The following MEOX1 variants were observed in gnomAD, a reference collection of about 807,000 sequenced individuals.
MEOX1 encodes the protein homeobox protein MOX-1.
A neutral mutation model predicts 23.2 loss-of-function variants in MEOX1; 17 were observed. That is an observed-to-expected ratio of 0.73 (90% confidence interval 0.50 to 1.10). The LOEUF (loss-of-function observed/expected upper bound fraction) is 1.10, where lower values mean the gene tolerates loss of function less well. Among genes scored for constraint, MEOX1 ranks in the 50% least tolerant of loss-of-function variants. The probability of loss-of-function intolerance (pLI) is 0.00; values close to 1 mark genes in which losing one functional copy is unlikely to be tolerated. For missense variants in MEOX1, 333 were observed against 332.2 expected, an observed-to-expected ratio of 1.00 and a Z score of -0.02; for synonymous variants, 134 against 135.1, an observed-to-expected ratio of 0.99 and a Z score of 0.06.
intron 1 of MEOX1, among the ~76,000 whole-genome samples, chr17:43,658,604 G>A (rs957730895): frequency 6.6e-6 from 1 of 152,068 alleles, no homozygotes; most frequent in Non-Finnish European, 1.5e-5. Flanking sequence ...TTTTGGAGAG[G>A]GGATCCAATT....
At chr17:43,644,587 G>A (rs1972767837) in intron 1 of MEOX1, among the ~76,000 whole-genome samples, 1 of 152,212 alleles carries the variant, frequency 6.6e-6, no homozygotes, top group South Asian at 2.1e-4. Context: ...TGGGAGACAA[G>A]AATTAAATTC....
At chr17:43,656,497 G>A (rs1226520998) in intron 1 of MEOX1, among the ~76,000 whole-genome samples, 1 of 152,146 alleles carries the variant, frequency 6.6e-6, no homozygotes, top group Non-Finnish European at 1.5e-5. Context: ...GCAAATTTGT[G>A]GTTGGGCGGA....
chr17:43,656,423 C>T (rs1386202464), intron 1 of MEOX1, among the ~76,000 whole-genome samples: 1 of 151,374 alleles, frequency 6.6e-6, no homozygotes, highest in Non-Finnish European at 1.5e-5. Context: ...GGGGAGGTGG[C>T]CTGTAAAGGG....
rs997552258 is a variant in MEOX1, at chr17:43,641,060, C to T, written c.*850G>A. 5.3e-5 allele frequency: 8 copies of T among 152,130 alleles called. No homozygotes were observed. The highest frequency in any genetic ancestry group is 1.9e-4 in the African/African-American group (8 of 41,412). 9.4% of individuals were successfully genotyped at this position (152,130 alleles called of 1,614,324 possible). A position where few individuals can be genotyped will look rare whatever the true frequency, so the allele number is the denominator to read the frequency against. ...CTCAGCATCTGGACAGGTTTTCAAT[C>T]CAGAAATCGTGGATTTAAAAGGAGT... On this transcript the variant is annotated 3_prime_UTR_variant, in exon 3 of 3. Coordinates refer to ENST00000318579, the MANE Select transcript of MEOX1 (RefSeq NM_004527.4).
intron 1 of MEOX1, among the ~76,000 whole-genome samples, chr17:43,650,306 C>T (rs114225995): frequency 5.3e-4 from 80 of 152,218 alleles, no homozygotes; most frequent in African/African-American, 1.8e-3. Context: ...TAAGGACACA[C>T]GGCAAGTTAG....
intron 1 of MEOX1, among the ~76,000 whole-genome samples, chr17:43,657,174 T>TC (rs919480146): frequency 7.7e-6 from 1 of 129,794 alleles, no homozygotes; most frequent in Non-Finnish European, 1.6e-5. Flanking sequence ...TTCTTTCTTT[T>TC]TTTTTTTTTT....
intron 1 of MEOX1, among the ~76,000 whole-genome samples, 195 bp downstream of exon 1, chr17:43,660,871 C>T (rs1045369917): frequency 1.3e-4 from 20 of 152,136 alleles, no homozygotes; most frequent in African/African-American, 4.3e-4. Flanking sequence ...AGTGCTGGGA[C>T]ACAGACATGG....
At chr17:43,645,317 C>T (rs1222303191) in intron 1 of MEOX1, among the ~76,000 whole-genome samples, 1 of 151,914 alleles carries the variant, frequency 6.6e-6, no homozygotes, top group East Asian at 1.9e-4. Flanking sequence ...GCTGGGACTA[C>T]AGGCGCCCGC....
intron 1 of MEOX1, among the ~76,000 whole-genome samples, chr17:43,658,335 C>T (rs1598268297): frequency 6.6e-6 from 1 of 152,024 alleles, no homozygotes; most frequent in East Asian, 1.9e-4. Flanking sequence ...GGTAAAACCC[C>T]GACTCTACTA....
chr17:43,656,879 G>C (rs1401545635), intron 1 of MEOX1, among the ~76,000 whole-genome samples: 1 of 152,176 alleles, frequency 6.6e-6, no homozygotes, highest in Non-Finnish European at 1.5e-5. Flanking sequence ...CATTGGCCTG[G>C]GGCTGGGAGT....
intron 1 of MEOX1, among the ~76,000 whole-genome samples, chr17:43,646,750 C>A (rs981210665): frequency 6.6e-6 from 1 of 152,030 alleles, no homozygotes; most frequent in African/African-American, 2.4e-5. Context: ...CTGAGGCGGG[C>A]GGATCACCTG....
chr17:43,655,418 C>A (rs1972995455), intron 1 of MEOX1, among the ~76,000 whole-genome samples: 1 of 151,618 alleles, frequency 6.6e-6, no homozygotes, highest in Admixed American at 6.6e-5. Flanking sequence ...TTGCAGTGAG[C>A]CGAGATCGCG....
Position 43,644,060 on chromosome 17 carries a change from T to G in MEOX1, c.470-400A>C, listed in dbSNP as rs148755626. Among the ~76,000 whole-genome samples, 989 of 152,228 alleles carry G rather than the reference T, an allele frequency of 6.5e-3. 5 individuals are homozygous for G. The highest frequency in any genetic ancestry group is 0.023 in the African/African-American group (949 of 41,530). ...AACTATGGTCCCCAGATCAGCAGCATCAGCATTACCTGAGAGCTTGTTACA... is the reference window on the plus strand; with the variant it reads ...AACTATGGTCCCCAGATCAGCAGCAGCAGCATTACCTGAGAGCTTGTTACA... On this transcript the variant is annotated intron_variant, in intron 1 of 2. Coordinates refer to ENST00000318579, the MANE Select transcript of MEOX1 (RefSeq NM_004527.4).
intron 1 of MEOX1, among the ~76,000 whole-genome samples, chr17:43,655,511 A>T (rs1261911492): frequency 1.3e-5 from 2 of 151,780 alleles, no homozygotes. Flanking sequence ...ATATCCATAC[A>T]ATGGAATGTT....
chr17:43,650,116 T>C (rs1206783363), intron 1 of MEOX1, among the ~76,000 whole-genome samples: 1 of 152,190 alleles, frequency 6.6e-6, no homozygotes, highest in Non-Finnish European at 1.5e-5. Context: ...GGATGCCAAA[T>C]GCCTCACATT....
chr17:43,652,294 G>A (rs1972932806), intron 1 of MEOX1, among the ~76,000 whole-genome samples: 1 of 152,130 alleles, frequency 6.6e-6, no homozygotes, highest in Non-Finnish European at 1.5e-5. Context: ...TAAGCCAGTA[G>A]CATCGTCAGA....
chr17:43,655,195 G>GGGGCC (rs1300824255), intron 1 of MEOX1, among the ~76,000 whole-genome samples: 2 of 152,048 alleles, frequency 1.3e-5, no homozygotes, highest in African/African-American at 4.8e-5. Context: ...TTTGGTGGCC[G>GGGGCC]GGCACAGTGG....
At chr17:43,654,043 C>T (rs950507818) in intron 1 of MEOX1, among the ~76,000 whole-genome samples, 1 of 152,220 alleles carries the variant, frequency 6.6e-6, no homozygotes, top group Non-Finnish European at 1.5e-5. Flanking sequence ...TGTCCCCGTA[C>T]AGTCCTGTAC....
intron 1 of MEOX1, among the ~76,000 whole-genome samples, chr17:43,645,808 C>G (rs1439120054): frequency 2.6e-5 from 4 of 152,224 alleles, no homozygotes; most frequent in African/African-American, 4.8e-5. Flanking sequence ...CCCAGCACCC[C>G]CCTCTATTGC....
Sources: gnomAD v4.1 joint callset for allele counts (sites outside exome capture counted in the v4.1 genomes callset) on GRCh38, gnomAD v4.1.1 for gene constraint, MANE v1.5 for transcripts, NCBI Gene and HGNC (gene_info 2026-07-23, HGNC 2026-07-21) for gene names.